Variants in TET3 observed in about 807,000 individuals in gnomAD.
The protein encoded by TET3 is tet methylcytosine dioxygenase 3.
Under a neutral mutation model 141.4 loss-of-function variants are expected in TET3, and 19 were observed. The ratio of observed to expected loss-of-function variants is 0.13; its 90% CI spans 0.09 to 0.20. TET3 has a LOEUF of 0.20. Among genes scored for constraint, TET3 ranks in the 10% least tolerant of loss-of-function variants. The pLI is 1.00. For synonymous variants in TET3, 1,043 were observed against 980.9 expected (o/e 1.06, Z -1.18); for missense variants, 1,874 against 2,356.9 (o/e 0.80, Z 4.24).
chr2:74,079,645 C>A (rs1409362106), intron 5 of TET3, among the ~76,000 whole-genome samples: 1 of 152,166 alleles, frequency 6.6e-6, no homozygotes, highest in Non-Finnish European at 1.5e-5. Flanking sequence ...AGGTGGGGAT[C>A]ATTTTAATCT....
intron 6 of TET3, among the ~76,000 whole-genome samples, chr2:74,081,980 A>T (rs927666737): frequency 6.6e-6 from 1 of 152,212 alleles, no homozygotes; most frequent in Non-Finnish European, 1.5e-5. Flanking sequence ...GTGGCTTATC[A>T]TGGTGGGGTG....
At chr2:74,030,670 C>T (rs1206112082) in intron 3 of TET3, among the ~76,000 whole-genome samples, 2 of 152,116 alleles carry the variant, frequency 1.3e-5, no homozygotes, top group Admixed American at 6.5e-5. Context: ...TTAGAAGGCA[C>T]CCTGGCCTGG....
At chr2:74,071,158 A>C (rs1223800085) in intron 4 of TET3, among the ~76,000 whole-genome samples, 1 of 152,124 alleles carries the variant, frequency 6.6e-6, no homozygotes, top group South Asian at 2.1e-4. Flanking sequence ...GGGAAAGGGG[A>C]AGCAAGCTCT....
In TET3 at chr2:74,026,408, T is replaced by G. The variant is rs773509717; in HGVS notation, c.361-19870T>G. 3.5e-4 allele frequency among the ~76,000 whole-genome samples: 54 copies of G among 152,296 alleles called. No homozygotes were observed. The Middle Eastern group carries it at 0.02, about 58-fold the overall frequency. On this transcript the variant is annotated intron_variant, in intron 3 of 11. Transcript: ENST00000409262. ...TTTGAGGCCAGTGGCCGGGGATTGTTAATCCCCAGTCAGAGGTGTGTGTCC... is the reference window on the plus strand; with the variant it reads ...TTTGAGGCCAGTGGCCGGGGATTGTGAATCCCCAGTCAGAGGTGTGTGTCC...
chr2:74,067,730 T>A (rs566643565), intron 4 of TET3, among the ~76,000 whole-genome samples: 1 of 151,992 alleles, frequency 6.6e-6, no homozygotes, highest in South Asian at 2.1e-4. Context: ...GGAAAAAAAA[T>A]GAGTTTTTCC....
chr2:74,059,961 G>T (rs907677761), intron 4 of TET3, among the ~76,000 whole-genome samples: 6 of 152,162 alleles, frequency 3.9e-5, no homozygotes, highest in Admixed American at 3.9e-4. Context: ...CCAACTTGGG[G>T]TTATTATGAA....
intron 1 of TET3, among the ~76,000 whole-genome samples, chr2:73,985,607 G>A (rs1683982617): frequency 6.6e-6 from 1 of 151,370 alleles, no homozygotes; most frequent in Admixed American, 6.6e-5. Flanking sequence ...CGCCGAGCGA[G>A]GCTCTCAGCA....
rs565176020 is a variant in TET3, at chr2:74,026,736, T to C, written c.361-19542T>C. ...AACTTCCCCTCCAACTTTTTTTTTT[T>C]TTTTAATTCTAAGGGCCTTTGAACC... On this transcript the variant is annotated intron_variant, in intron 3 of 11. Transcript: ENST00000409262. Among the ~76,000 whole-genome samples, 10 of 152,322 alleles carry C rather than the reference T, an allele frequency of 6.6e-5. No individual in the cohort carries two copies. In the East Asian group the frequency reaches 1.9e-3, roughly 29 times the overall value.
chr2:74,125,188 G>C, the TET3 span, among the ~76,000 whole-genome samples: 2 of 152,020 alleles, frequency 1.3e-5, no homozygotes, highest in African/African-American at 4.8e-5. Flanking sequence ...CACCATGTTG[G>C]CCAGGCTGTT....
intron 2 of TET3, among the ~76,000 whole-genome samples, chr2:74,000,341 C>T (rs962275774): frequency 2.4e-4 from 37 of 152,170 alleles, no homozygotes; most frequent in African/African-American, 8.7e-4. Flanking sequence ...ACAGGGCCCC[C>T]GCCCACGTGG....
chr2:74,043,725 G>T (rs1381838484), intron 3 of TET3, among the ~76,000 whole-genome samples: 1 of 152,162 alleles, frequency 6.6e-6, no homozygotes, highest in Non-Finnish European at 1.5e-5. Flanking sequence ...CAAGGGTGAG[G>T]ATGAGACAGG....
intron 10 of TET3, among the ~76,000 whole-genome samples, chr2:74,094,114 G>A (rs907961462): frequency 6.6e-6 from 1 of 152,212 alleles, no homozygotes; most frequent in South Asian, 2.1e-4. Flanking sequence ...ATGTCCTGTA[G>A]CAATGAAGGC....
chr2:74,115,782 G>C, the TET3 span, among the ~76,000 whole-genome samples: 1 of 152,162 alleles, frequency 6.6e-6, no homozygotes. Context: ...GGGAGGTCAA[G>C]GTGGGCAGAC....
the TET3 span, among the ~76,000 whole-genome samples, chr2:74,128,552 C>T: frequency 2.6e-5 from 4 of 152,050 alleles, no homozygotes; most frequent in Admixed American, 6.6e-5. Flanking sequence ...TTCATTGTAA[C>T]AAATGCCCCA....
In TET3 at chr2:74,101,520, G is replaced by C. The variant is rs200169173; in HGVS notation, c.4732G>C (p.Ala1578Pro). 21 of 1,612,004 alleles carry C rather than the reference G, an allele frequency of 1.3e-5. 1 individual carries two copies. In the East Asian group the frequency reaches 4.7e-4, roughly 36 times the overall value. Reference sequence around the variant, plus strand: ...CGCAGGGGCCAGCCAGCTGGACAGGGCCTGGCAGTCCTTTGGTCTGCCCCT... The same window carrying C: ...CGCAGGGGCCAGCCAGCTGGACAGGCCCTGGCAGTCCTTTGGTCTGCCCCT... ...PAAGASQLDR[A>P]WQSFGLPLGS... Residue 1578 changes from alanine to proline, a missense_variant, in exon 12 of 12, where the codon GCC becomes CCC. Coordinates refer to ENST00000409262, the MANE Select transcript of TET3 (RefSeq NM_001287491.2). This position sits in a 1 kb window ranked among gnomAD's most constrained non-coding sequence, Gnocchi z 8.5.
chr2:74,079,990 G>A (rs191775756), intron 5 of TET3, among the ~76,000 whole-genome samples: 73 of 152,258 alleles, frequency 4.8e-4, no homozygotes, highest in Admixed American at 2.7e-3. Context: ...CAGAGCTGGC[G>A]TTTGGGCTTA....
intron 3 of TET3, among the ~76,000 whole-genome samples, chr2:74,019,311 A>C (rs1254277400): frequency 6.6e-6 from 1 of 152,176 alleles, no homozygotes; most frequent in Non-Finnish European, 1.5e-5. Context: ...TTCTTCTTAC[A>C]CATTTCTTGT....
intron 2 of TET3, among the ~76,000 whole-genome samples, chr2:74,000,592 T>G (rs1461018227): frequency 6.6e-6 from 1 of 152,086 alleles, no homozygotes; most frequent in African/African-American, 2.4e-5. Flanking sequence ...CTCTGAGGCA[T>G]GAAAACATTA....
intron 6 of TET3, 62 bp downstream of exon 6, chr2:74,080,653 G>A (rs928637443): frequency 1.6e-5 from 22 of 1,356,924 alleles, no homozygotes; most frequent in East Asian, 4.2e-5. Context: ...GCATGGCCAC[G>A]GCTGTGCCTG....
Sources: gnomAD v4.1 joint callset for allele counts (sites outside exome capture counted in the v4.1 genomes callset) on GRCh38, gnomAD v4.1.1 for gene constraint, Gnocchi (gnomAD v3.1) non-coding constraint, MANE v1.5 for transcripts, NCBI Gene and HGNC (gene_info 2026-07-23, HGNC 2026-07-21) for gene names.